Variants in CENPN observed in about 807,000 individuals in gnomAD.
CENPN encodes centromere protein N, also known as interphase centromere complex protein 32.
Under a neutral mutation model 48.6 loss-of-function variants are expected in CENPN, and 36 were observed. That is an observed-to-expected ratio of 0.74 (90% CI 0.57 to 0.98). The LOEUF is 0.98. Among genes scored for constraint, CENPN ranks in the 50% least tolerant of loss-of-function variants. The pLI is 0.00. For synonymous variants in CENPN, 166 were observed against 135.2 expected, an observed-to-expected ratio of 1.23 and a Z score of -1.58; for missense variants, 439 against 399.2, an observed-to-expected ratio of 1.10 and a Z score of -0.85.
intron 6 of CENPN, among the ~76,000 whole-genome samples, chr16:81,020,837 C>G (rs2151693210): frequency 6.6e-6 from 1 of 152,302 alleles, no homozygotes; most frequent in East Asian, 1.9e-4. Flanking sequence ...TGTCTGTAAT[C>G]CCAATACTTT....
chr16:81,022,934 G>A, intron 7 of CENPN: 3 of 1,511,058 alleles, frequency 2.0e-6, no homozygotes. Context: ...CTGTGTTGTA[G>A]ATCTCAGCTT....
At chr16:81,032,626 A>G, downstream of CENPN, 1 of 1,613,544 alleles carries the variant, frequency 6.2e-7, no homozygotes, top group Non-Finnish European at 8.5e-7. Flanking sequence ...CAGTCAAGGG[A>G]CCCAGGACCC....
chr16:81,017,753 G>C lies in CENPN; in HGVS notation c.278-5G>C. 1.3e-6 allele frequency: 2 copies of C among 1,570,298 alleles called. No individual in the cohort carries two copies. Among genetic ancestry groups the C allele is most frequent in the Non-Finnish European group, 1.7e-6 (2 of 1,159,340 alleles). Reference sequence around the variant, plus strand: ...TTTTTCTTTATTTTTTTTTCACTTTGGCAGGTGAAGATGTTGACCTTTTTG... The same window carrying C: ...TTTTTCTTTATTTTTTTTTCACTTTCGCAGGTGAAGATGTTGACCTTTTTG... On this transcript the variant is annotated splice_polypyrimidine_tract_variant and splice_region_variant and intron_variant, in intron 4 of 10. Coordinates refer to ENST00000305850, the MANE Select transcript of CENPN (RefSeq NM_001100624.3).
In CENPN at chr16:81,022,582, A is replaced by T; in HGVS notation, c.532-15A>T. ...CAGTAATCCTAGTAATAGTCTTGCA[A>T]ATTTTCATTTCAAGGCGCTGACAAT... On this transcript the variant is annotated splice_polypyrimidine_tract_variant and intron_variant, in intron 6 of 10. Transcript: ENST00000305850. 1 of 1,612,006 alleles carries T rather than the reference A, an allele frequency of 6.2e-7. No individual in the cohort carries two copies.
chr16:81,016,686 CGG>C (rs1293378628), intron 3 of CENPN: 6 of 152,328 alleles, frequency 3.9e-5, no homozygotes. Context: ...CGGTTGAACC[CGG>C]GAGGCACAGG....
At chr16:81,008,676 A>C (rs958497523) in intron 1 of CENPN, among the ~76,000 whole-genome samples, 4 of 152,038 alleles carry the variant, frequency 2.6e-5, no homozygotes, top group African/African-American at 9.7e-5. Flanking sequence ...TGTTGATTTG[A>C]TGTTTCACTG....
At chr16:81,009,042 A>T (rs1470967323) in intron 1 of CENPN, among the ~76,000 whole-genome samples, 1 of 152,180 alleles carries the variant, frequency 6.6e-6, no homozygotes, top group Non-Finnish European at 1.5e-5. Flanking sequence ...CCCCATCTTT[A>T]CTAAAAGTAG....
At chr16:81,019,535 T>A (rs1444005300) in intron 5 of CENPN, among the ~76,000 whole-genome samples, 1 of 152,142 alleles carries the variant, frequency 6.6e-6, no homozygotes, top group African/African-American at 2.4e-5. Context: ...ATAGAAATCT[T>A]ACTGTTAAAG....
chr16:81,031,408 A>G lies in CENPN; in HGVS notation c.*2757A>G, dbSNP rs2151726029. On this transcript the variant is annotated 3_prime_UTR_variant, in exon 11 of 11. Transcript: ENST00000305850. ...CCCTCCTCTACCCTCTCTCTTCAGA[A>G]CACAAGTGGCTTCTAGCTGAATCTG... 6.6e-6 allele frequency: 1 copy of G among 152,320 alleles called. No individual in the cohort carries two copies. Among genetic ancestry groups the G allele is most frequent in the East Asian group, 1.9e-4 (1 of 5,174 alleles). The allele number at this position is 152,320 out of a possible 1,614,324, so 9.4% of individuals were successfully genotyped here.
At chr16:81,009,741 T>C (rs930487918) in intron 1 of CENPN, among the ~76,000 whole-genome samples, 1 of 152,186 alleles carries the variant, frequency 6.6e-6, no homozygotes, top group African/African-American at 2.4e-5. Context: ...AGGACTCTTG[T>C]AGGAAGATAC....
At chr16:81,017,242 G>A (rs1001646949) in intron 3 of CENPN, 84 bp from the exon 4 acceptor site, 12 of 902,798 alleles carry the variant, frequency 1.3e-5, no homozygotes, top group East Asian at 2.5e-5. Flanking sequence ...ACTTTCCCCA[G>A]TTTTAAAGTA....
At position 81,029,731 on chromosome 16, in the gene CENPN, T is replaced by A. The variant is rs186594846; in HGVS notation, c.*1080T>A. 7.2e-5 allele frequency among the ~76,000 whole-genome samples: 11 copies of A among 152,230 alleles called. No individual in the cohort carries two copies. In the East Asian group the frequency reaches 2.1e-3, roughly 29 times the overall value. On this transcript the variant is annotated 3_prime_UTR_variant, in exon 11 of 11. Coordinates refer to ENST00000305850, the MANE Select transcript of CENPN (RefSeq NM_001100624.3). The stretch of plus-strand genomic sequence containing the variant: ...CTGGGACTACAGGCCTGCACCACCA[T>A]GCCCAGCTAATTTTTGTATTTTTAG...
chr16:81,017,050 A>G, intron 3 of CENPN: 1 of 295,916 alleles, frequency 3.4e-6, no homozygotes, highest in Non-Finnish European at 6.3e-6. Flanking sequence ...GGAATGGAAT[A>G]AATGGAATGT....
chr16:81,012,373 C>T (rs923161719), intron 2 of CENPN, among the ~76,000 whole-genome samples: 13 of 152,036 alleles, frequency 8.6e-5, no homozygotes, highest in Admixed American at 1.3e-4. Flanking sequence ...CAGTATTTTT[C>T]GCAGTATTTT....
chr16:81,022,474 G>T, intron 6 of CENPN, 123 bp from the exon 7 acceptor site: 1 of 794,926 alleles, frequency 1.3e-6, no homozygotes, highest in Non-Finnish European at 2.0e-6. Context: ...TGTTTTTCTA[G>T]ACTTCTTTTT....
chr16:81,013,300 A>G (rs1180377611), intron 2 of CENPN, among the ~76,000 whole-genome samples: 1 of 152,276 alleles, frequency 6.6e-6, no homozygotes, highest in African/African-American at 2.4e-5. Context: ...TTATGTTAAC[A>G]TTCATATAAA....
Position 81,028,308 on chromosome 16 carries a change from A to T in CENPN, c.937+11A>T, listed in dbSNP as rs775810845. ...CCTTAGCACCAGCGGGTGAGTGGTC[A>T]GCTTACTCTATAAGCTAGAAAAATT... On this transcript the variant is annotated intron_variant, in intron 10 of 10. Coordinates refer to ENST00000305850, the MANE Select transcript of CENPN (RefSeq NM_001100624.3). 3 of 1,613,676 alleles carry T rather than the reference A, an allele frequency of 1.9e-6. No homozygotes were observed. The highest frequency in any genetic ancestry group is 2.5e-6 in the Non-Finnish European group (3 of 1,179,814).
intron 5 of CENPN, among the ~76,000 whole-genome samples, chr16:81,019,251 C>G (rs1597095236): frequency 6.6e-6 from 1 of 151,832 alleles, no homozygotes; most frequent in Non-Finnish European, 1.5e-5. Flanking sequence ...TGGTCTCACT[C>G]TGTTGCCCAG....
At chr16:81,012,976 G>A (rs1969801345) in intron 2 of CENPN, among the ~76,000 whole-genome samples, 1 of 152,172 alleles carries the variant, frequency 6.6e-6, no homozygotes, top group Admixed American at 6.5e-5. Context: ...ATAAAAAATA[G>A]GAGGTATGTA....
Sources: gnomAD v4.1 joint callset for allele counts (sites outside exome capture counted in the v4.1 genomes callset) on GRCh38, gnomAD v4.1.1 for gene constraint, MANE v1.5 for transcripts, NCBI Gene and HGNC (gene_info 2026-07-23, HGNC 2026-07-21) for gene names.